Variants in ASTN2 observed in about 807,000 individuals in gnomAD.
ASTN2 encodes astrotactin 2.
Under a neutral mutation model 139.8 loss-of-function variants are expected in ASTN2, and 54 were observed. The observed-to-expected ratio is 0.39, with a 90% CI of 0.31 to 0.48. The LOEUF is 0.48. Ranked by LOEUF, ASTN2 falls within the 20% of genes least tolerant of loss-of-function variation. The pLI, the probability that ASTN2 is intolerant of heterozygous loss-of-function variation, is 0.95. For synonymous variants in ASTN2, 756 were observed against 719.5 expected (o/e 1.05, Z -0.81); for missense variants, 1,565 against 1,725.1 (o/e 0.91, Z 1.64).
chr9:117,291,612 C>T, intron 1 of ASTN2, 99 bp from the exon 2 acceptor site: 3 of 1,100,718 alleles, frequency 2.7e-6, no homozygotes, highest in Non-Finnish European at 3.8e-6. Flanking sequence ...AGAAGGCATC[C>T]ATTTTTTGCC....
At chr9:117,406,485 C>G (rs542568359) in intron 1 of ASTN2, among the ~76,000 whole-genome samples, 4 of 152,188 alleles carry the variant, frequency 2.6e-5, no homozygotes, top group African/African-American at 4.8e-5. Context: ...CCTGCCACCC[C>G]CCTCCTCCAC....
intron 19 of ASTN2, among the ~76,000 whole-genome samples, chr9:116,565,400 T>TATATAC (rs1554714207): frequency 4.0e-5 from 2 of 50,134 alleles, no homozygotes; most frequent in Non-Finnish European, 8.3e-5. Context: ...TATATATATA[T>TATATAC]ATATATATAT....
intron 20 of ASTN2, among the ~76,000 whole-genome samples, chr9:116,485,802 G>A (rs939650110): frequency 1.3e-5 from 2 of 152,174 alleles, no homozygotes; most frequent in Admixed American, 6.5e-5. Context: ...GCAGAGCCAG[G>A]GGCAGAAGAC....
intron 3 of ASTN2, chr9:117,181,230 C>T: frequency 8.5e-6 from 5 of 584,938 alleles, no homozygotes; most frequent in Middle Eastern, 2.6e-4. Flanking sequence ...TTATTCTTCA[C>T]AGCAATGTAT....
At chr9:117,144,671 T>G (rs941273599) in intron 3 of ASTN2, among the ~76,000 whole-genome samples, 21 of 20,916 alleles carry the variant, frequency 1.0e-3, no homozygotes, top group African/African-American at 1.7e-3. Context: ...TTTTTTTTTT[T>G]TTTTTTTTTT....
At chr9:116,472,857 G>A (rs1236666027) in intron 20 of ASTN2, among the ~76,000 whole-genome samples, 3 of 151,228 alleles carry the variant, frequency 2.0e-5, no homozygotes, top group Admixed American at 1.3e-4. Flanking sequence ...AACCCGGGAG[G>A]TGGAGTTTGC....
intron 16 of ASTN2, among the ~76,000 whole-genome samples, chr9:116,722,455 C>T (rs1301795384): frequency 6.6e-6 from 1 of 152,186 alleles, no homozygotes; most frequent in Non-Finnish European, 1.5e-5. Context: ...GTGGTTTCCC[C>T]AGATCATAAA....
chr9:117,201,306 T>C (rs1453854228), intron 3 of ASTN2, among the ~76,000 whole-genome samples: 1 of 152,092 alleles, frequency 6.6e-6, no homozygotes, highest in African/African-American at 2.4e-5. Context: ...ATTTTGTTAA[T>C]TTTTTCAAAA....
chr9:117,395,143 A>G (rs571621087), intron 1 of ASTN2, among the ~76,000 whole-genome samples: 23 of 152,142 alleles, frequency 1.5e-4, no homozygotes, highest in Non-Finnish European at 3.1e-4. Flanking sequence ...TCCTGAGCCA[A>G]TGTCTTTTCA....
intron 17 of ASTN2, among the ~76,000 whole-genome samples, chr9:116,639,521 A>G (rs1413257079): frequency 6.6e-6 from 1 of 152,132 alleles, no homozygotes; most frequent in African/African-American, 2.4e-5. Flanking sequence ...CCTTACCACC[A>G]CTGTTGACTG....
At chr9:117,285,150 C>T (rs763733761) in intron 2 of ASTN2, among the ~76,000 whole-genome samples, 7 of 152,162 alleles carry the variant, frequency 4.6e-5, no homozygotes, top group Non-Finnish European at 1.0e-4. Flanking sequence ...TTTCAGTTCT[C>T]GCCCAGTACC....
chr9:116,818,055 A>T (rs11794724), intron 12 of ASTN2, among the ~76,000 whole-genome samples: 10 of 316 alleles, frequency 0.032, no homozygotes, highest in African/African-American at 0.058. Flanking sequence ...TGCTTTTTTT[A>T]AAAAAAAAAA....
At chr9:117,277,107 C>G (rs977773141) in intron 2 of ASTN2, 1 of 152,100 alleles carries the variant, frequency 6.6e-6, no homozygotes, top group East Asian at 1.9e-4. Flanking sequence ...GTGTCCCTCC[C>G]AAAGCTGTAT....
chr9:116,795,103 T>C (rs1036139482), intron 13 of ASTN2, among the ~76,000 whole-genome samples: 8 of 152,116 alleles, frequency 5.3e-5, no homozygotes, highest in Admixed American at 3.9e-4. Flanking sequence ...CAGCCTCCCA[T>C]GTAGCTGGGA....
intron 16 of ASTN2, among the ~76,000 whole-genome samples, chr9:116,681,965 G>A (rs1214630801): frequency 6.6e-6 from 1 of 151,682 alleles, no homozygotes; most frequent in South Asian, 2.1e-4. Flanking sequence ...ATAGGCATGG[G>A]CAAGGACTTC....
chr9:116,795,451 G>A (rs1424954962), intron 13 of ASTN2, among the ~76,000 whole-genome samples: 1 of 152,184 alleles, frequency 6.6e-6, no homozygotes, highest in Non-Finnish European at 1.5e-5. Flanking sequence ...AGAAAAAAAA[G>A]GATGTCCCTA....
intron 6 of ASTN2, among the ~76,000 whole-genome samples, chr9:117,016,586 T>C (rs1449682723): frequency 1.1e-5 from 1 of 90,966 alleles, no homozygotes; most frequent in Non-Finnish European, 2.2e-5. Context: ...TGGGGTATTC[T>C]AGGTTTTATA....
intron 4 of ASTN2, among the ~76,000 whole-genome samples, chr9:117,138,625 G>GT (rs1304999074): frequency 2.0e-5 from 3 of 152,202 alleles, no homozygotes; most frequent in African/African-American, 7.2e-5. Flanking sequence ...TGCTTTGGTA[G>GT]TTTTGAGGAG....
intron 1 of ASTN2, among the ~76,000 whole-genome samples, chr9:117,296,042 G>A (rs1463366496): frequency 2.0e-5 from 3 of 151,996 alleles, no homozygotes; most frequent in African/African-American, 4.8e-5. Context: ...CACTTTGGGA[G>A]GCCTAGGTGG....
Sources: allele counts gnomAD v4.1 joint callset (sites outside exome capture counted in the v4.1 genomes callset), GRCh38; gene constraint gnomAD v4.1.1; transcripts MANE v1.5; gene names NCBI Gene and HGNC (gene_info 2026-07-23, HGNC 2026-07-21).